The following SYNPR variants were observed in gnomAD, a reference collection of about 807,000 sequenced individuals.
SYNPR encodes synaptoporin.
A neutral mutation model predicts 32.9 loss-of-function variants in SYNPR; 23 were observed. That is an observed-to-expected ratio of 0.70 (90% CI 0.50 to 0.99). The LOEUF is 0.99. Ranked by LOEUF, SYNPR falls within the 50% of genes least tolerant of loss-of-function variation. The pLI, the probability that SYNPR is intolerant of heterozygous loss-of-function variation, is 0.00. For missense variants in SYNPR, 318 were observed against 349.3 expected (o/e 0.91, Z 0.71); for synonymous variants, 146 against 135.9 (o/e 1.07, Z -0.52).
intron 2 of SYNPR, among the ~76,000 whole-genome samples, chr3:63,365,330 T>C (rs1004462773): frequency 1.3e-5 from 2 of 152,164 alleles, no homozygotes; most frequent in African/African-American, 4.8e-5. Context: ...GTCCCCAGGG[T>C]TCCATAGGGA....
chr3:63,522,363 T>C (rs1701934129), intron 3 of SYNPR, among the ~76,000 whole-genome samples: 1 of 152,250 alleles, frequency 6.6e-6, no homozygotes, highest in South Asian at 2.1e-4. Flanking sequence ...CCACTATTAT[T>C]GCTACTACGT....
intron 2 of SYNPR, among the ~76,000 whole-genome samples, chr3:63,474,914 T>C (rs1469687925): frequency 6.6e-6 from 1 of 152,160 alleles, no homozygotes; most frequent in Non-Finnish European, 1.5e-5. Context: ...ATCAGCCTGA[T>C]TTTCTGTCCT....
At chr3:63,229,336 A>G (rs376982024) in intron 1 of SYNPR, among the ~76,000 whole-genome samples, 1 of 152,062 alleles carries the variant, frequency 6.6e-6, no homozygotes, top group African/African-American at 2.4e-5. Flanking sequence ...ATTTTCATCA[A>G]AAACTATTGT....
At chr3:63,260,009 A>AT (rs2086422770) in intron 2 of SYNPR, among the ~76,000 whole-genome samples, 1 of 152,206 alleles carries the variant, frequency 6.6e-6, no homozygotes, top group African/African-American at 2.4e-5. Context: ...AATCCAACTT[A>AT]CAAGGGACGC....
At chr3:63,270,158 CT>C (rs1285718148) in intron 3 of SYNPR, among the ~76,000 whole-genome samples, 6 of 152,086 alleles carry the variant, frequency 3.9e-5, no homozygotes, top group African/African-American at 1.4e-4. Context: ...CTAAAGTACT[CT>C]CGGAACCAAA....
chr3:63,471,818 G>C (rs1367048057), intron 2 of SYNPR, among the ~76,000 whole-genome samples: 1 of 152,188 alleles, frequency 6.6e-6, no homozygotes, highest in African/African-American at 2.4e-5. Flanking sequence ...CAGGGAGGAG[G>C]GGGAGGCTCT....
At chr3:63,301,358 A>C (rs149802105) in intron 2 of SYNPR, among the ~76,000 whole-genome samples, 2,370 of 152,246 alleles carry the variant, frequency 0.016, 21 homozygotes, top group Non-Finnish European at 0.025. Flanking sequence ...ATTTATACCT[A>C]AAAAGACAGA....
the SYNPR span, among the ~76,000 whole-genome samples, chr3:63,217,703 C>G: frequency 1.3e-5 from 2 of 152,080 alleles, no homozygotes; most frequent in Non-Finnish European, 2.9e-5. Context: ...TAGACCGGAG[C>G]TGTTCCTATT....
chr3:63,306,849 G>C (rs1317499235), intron 2 of SYNPR, among the ~76,000 whole-genome samples: 1 of 152,022 alleles, frequency 6.6e-6, no homozygotes, highest in Non-Finnish European at 1.5e-5. Context: ...GGAAGGGATA[G>C]AGTTGTTTGG....
At chr3:63,493,874 A>G (rs1047453036) in intron 3 of SYNPR, among the ~76,000 whole-genome samples, 1 of 151,754 alleles carries the variant, frequency 6.6e-6, no homozygotes, top group African/African-American at 2.4e-5. Context: ...GACACATTTA[A>G]TCAGTATCTG....
chr3:63,498,633 G>A (rs1189116684), intron 3 of SYNPR, among the ~76,000 whole-genome samples: 3 of 152,154 alleles, frequency 2.0e-5, no homozygotes, highest in Non-Finnish European at 2.9e-5. Context: ...GGAACAGCAG[G>A]AGCAAAGGCG....
At position 63,278,409 on chromosome 3, in the gene SYNPR, G is replaced by T. The variant is rs2086596152; in HGVS notation, c.-125G>T. The T allele has an allele frequency of 2.3e-6, 3 of 1,289,358 alleles. No individual in the cohort carries two copies. The highest frequency in any genetic ancestry group is 3.1e-6 in the Non-Finnish European group (3 of 956,820). 79.9% of individuals were successfully genotyped at this position (1,289,358 alleles called of 1,614,324 possible). The stretch of plus-strand genomic sequence containing the variant: ...CCCCGAGGCCCCCTGCCCTCGCCGG[G>T]CTGCTCCAGGGTGTCGCTCCTCTGG... On this transcript the variant is annotated 5_prime_UTR_variant, in exon 1 of 6. Transcript: ENST00000478300.
At chr3:63,446,304 A>C (rs1329275846) in intron 2 of SYNPR, among the ~76,000 whole-genome samples, 1 of 131,798 alleles carries the variant, frequency 7.6e-6, no homozygotes, top group Non-Finnish European at 1.6e-5. Flanking sequence ...TTTAATTTCT[A>C]TTCTTTGGCT....
chr3:63,437,563 A>G (rs1238057746), intron 2 of SYNPR, among the ~76,000 whole-genome samples: 1 of 147,008 alleles, frequency 6.8e-6, no homozygotes, highest in Admixed American at 6.8e-5. Context: ...GAGGAGAGAC[A>G]GAGAAAGAAA....
chr3:63,513,975 A>G (rs1250785587), intron 3 of SYNPR, among the ~76,000 whole-genome samples: 1 of 152,160 alleles, frequency 6.6e-6, no homozygotes, highest in Non-Finnish European at 1.5e-5. Flanking sequence ...CATTGACTGC[A>G]GTGACACAAG....
At chr3:63,608,079 A>T (rs759720452) in intron 4 of SYNPR, among the ~76,000 whole-genome samples, 5 of 152,216 alleles carry the variant, frequency 3.3e-5, no homozygotes, top group Admixed American at 6.5e-5. Flanking sequence ...ACATTTTTAC[A>T]ATAGTCAAAC....
intron 2 of SYNPR, among the ~76,000 whole-genome samples, chr3:63,256,221 G>C (rs1013920332): frequency 7.2e-5 from 11 of 152,204 alleles, no homozygotes; most frequent in African/African-American, 2.4e-4. Context: ...GAAGAGAGCA[G>C]TGGTTCTCCC....
intron 3 of SYNPR, among the ~76,000 whole-genome samples, chr3:63,544,046 T>C (rs761484273): frequency 5.9e-5 from 9 of 151,988 alleles, no homozygotes; most frequent in Non-Finnish European, 1.2e-4. Context: ...TGAATATGAC[T>C]AAGTACAAGA....
At chr3:63,387,046 C>T (rs2088055537) in intron 2 of SYNPR, among the ~76,000 whole-genome samples, 1 of 152,186 alleles carries the variant, frequency 6.6e-6, no homozygotes, top group African/African-American at 2.4e-5. Flanking sequence ...ATTGCCTTCT[C>T]TTGAATCAGG....
Sources: allele counts gnomAD v4.1 joint callset (sites outside exome capture counted in the v4.1 genomes callset), GRCh38; gene constraint gnomAD v4.1.1; transcripts MANE v1.5; gene names NCBI Gene and HGNC (gene_info 2026-07-23, HGNC 2026-07-21).